CECR2: variants seen among roughly 807,000 people sequenced by gnomAD.
CECR2 encodes CECR2 histone acetyl-lysine reader.
In CECR2, 30 loss-of-function variants were observed where a neutral mutation model predicts 154.5. That is an observed-to-expected ratio of 0.19 (90% CI 0.15 to 0.26). The LOEUF is 0.26. Ranked by LOEUF, CECR2 falls within the 10% of genes least tolerant of loss-of-function variation. The pLI, the probability that CECR2 is intolerant of heterozygous loss-of-function variation, is 1.00. For missense variants in CECR2, 1,743 were observed against 1,829.3 expected (o/e 0.95, Z 0.86); for synonymous variants, 725 against 683.7 (o/e 1.06, Z -0.94).
intron 6 of CECR2, among the ~76,000 whole-genome samples, chr22:17,503,731 A>G (rs2055781657): frequency 6.6e-6 from 1 of 152,196 alleles, no homozygotes; most frequent in South Asian, 2.1e-4. Context: ...CAGGAAAACC[A>G]GAAGTATACA....
At chr22:17,512,835 G>A (rs2055983826) in intron 8 of CECR2, among the ~76,000 whole-genome samples, 1 of 152,092 alleles carries the variant, frequency 6.6e-6, no homozygotes, top group Non-Finnish European at 1.5e-5. Context: ...GCGTGGATCT[G>A]GCTGATCTGT....
intron 1 of CECR2, among the ~76,000 whole-genome samples, chr22:17,427,070 C>G (rs566631359): frequency 6.6e-6 from 1 of 151,526 alleles, no homozygotes; most frequent in Non-Finnish European, 1.5e-5. Flanking sequence ...TCCAAGTGTT[C>G]TCATTGTTCA....
At chr22:17,490,605 T>G (rs1396725078) in intron 2 of CECR2, among the ~76,000 whole-genome samples, 1 of 151,770 alleles carries the variant, frequency 6.6e-6, no homozygotes, top group East Asian at 1.9e-4. Context: ...CGGCTAATTT[T>G]TTTTTTATTT....
chr22:17,360,847 C>T (rs2062973347), intron 1 of CECR2, among the ~76,000 whole-genome samples: 3 of 22,134 alleles, frequency 1.4e-4, no homozygotes, highest in East Asian at 2.5e-3. Flanking sequence ...CTGTCTCAAA[C>T]AAACAAACAA....
chr22:17,468,347 A>T (rs2055068261), intron 1 of CECR2, among the ~76,000 whole-genome samples: 1 of 152,122 alleles, frequency 6.6e-6, no homozygotes, highest in African/African-American at 2.4e-5. Flanking sequence ...ATTGTGTTCA[A>T]GTCACCAAGT....
intron 9 of CECR2, among the ~76,000 whole-genome samples, chr22:17,532,204 AT>A (rs1023186355): frequency 6.6e-6 from 1 of 152,080 alleles, no homozygotes; most frequent in African/African-American, 2.4e-5. Flanking sequence ...TGCATTTTGA[AT>A]TTTTTTATTA....
intron 1 of CECR2, among the ~76,000 whole-genome samples, chr22:17,421,115 G>A (rs896458728): frequency 1.8e-4 from 27 of 151,832 alleles, no homozygotes; most frequent in Non-Finnish European, 2.5e-4. Flanking sequence ...TTTTATTTTA[G>A]CCTCATTCAT....
Position 17,537,140 on chromosome 22 carries a change from A to G in CECR2, c.1146A>G (p.Ala382=), listed in dbSNP as rs763953696. The G allele has an allele frequency of 6.2e-6, 10 of 1,613,848 alleles. No homozygotes were observed. The South Asian group carries it at 6.6e-5, about 11-fold the overall frequency. The part of the protein sequence containing the change: ...AKRRKLREER[A]WLLAQGKELP... ...GGAGAAAGCTCAGGGAAGAAAGGGC[A>G]TGGCTGCTGGCTCAAGGAAAGGAGC... Residue 382 remains alanine, a synonymous_variant, in exon 10 of 19, where the codon GCA becomes GCG. Transcript: ENST00000262608.
chr22:17,416,185 T>A (rs1485803831), intron 1 of CECR2, among the ~76,000 whole-genome samples: 1 of 152,200 alleles, frequency 6.6e-6, no homozygotes, highest in East Asian at 1.9e-4. Context: ...TAAAATATGT[T>A]CGCATATATA....
At chr22:17,541,817 TG>T in intron 14 of CECR2, 21 bp from the exon 15 acceptor site, 1 of 1,590,192 alleles carries the variant, frequency 6.3e-7, no homozygotes, top group Non-Finnish European at 8.6e-7. Flanking sequence ...TTCCTCTTCT[TG>T]CTTTGTTCAA....
At chr22:17,415,390 C>T (rs903426922) in intron 1 of CECR2, among the ~76,000 whole-genome samples, 4 of 151,988 alleles carry the variant, frequency 2.6e-5, no homozygotes, top group Non-Finnish European at 5.9e-5. Flanking sequence ...GACAGGGGCG[C>T]GCCACCGTGC....
intron 1 of CECR2, among the ~76,000 whole-genome samples, chr22:17,445,555 A>G (rs1011206298): frequency 7.5e-5 from 10 of 132,596 alleles, no homozygotes; most frequent in Non-Finnish European, 1.1e-4. Flanking sequence ...TATTATTATT[A>G]TTATTATTAT....
intron 3 of CECR2, among the ~76,000 whole-genome samples, chr22:17,498,815 A>T (rs2055681503): frequency 6.6e-6 from 1 of 152,116 alleles, no homozygotes; most frequent in Non-Finnish European, 1.5e-5. Context: ...TAAACTGTTC[A>T]TCAGGATTGC....
rs1202840681 is a variant in CECR2 at position 17,378,203 on chromosome 22, TG to T, written c.126+8296del. Among the ~76,000 whole-genome samples the T allele has an allele frequency of 3.4e-5, 5 of 148,728 alleles. No homozygotes were observed. The East Asian group carries it at 1.0e-3, about 30-fold the overall frequency. On this transcript the variant is annotated intron_variant, in intron 1 of 18. Transcript: ENST00000262608. ...TTTCACCGTGTTAGCCAGGATGGTC[TG>T]GATCTCCTAACCTTGTGATCCGCCC...
In CECR2 at chr22:17,548,841, C is replaced by A. The variant is rs779081450; in HGVS notation, c.3554C>A (p.Ser1185Tyr). Residue 1185 changes from serine (S) to tyrosine (Y), a missense_variant, in exon 17 of 19, where the codon TCC becomes TAC. Physicochemically the swap from Ser to Tyr is moderately radical, Grantham distance 144 (BLOSUM62 -2). Coordinates refer to ENST00000262608, the MANE Select transcript of CECR2 (RefSeq NM_001290047.2). ...CGCCCCCCACAAGGAATGAGGTATTCCTACCACCCACCGCCACAGCCTTCC... is the reference window on the plus strand; with the variant it reads ...CGCCCCCCACAAGGAATGAGGTATTACTACCACCCACCGCCACAGCCTTCC... The part of the protein sequence containing the change: ...RYRPPQGMRY[S>Y]YHPPPQPSYH... 6.2e-7 allele frequency: 1 copy of A among 1,613,548 alleles called. No homozygotes were observed. The highest frequency in any genetic ancestry group is 1.7e-5 in the Admixed American group (1 of 59,974).
At chr22:17,383,378 C>T (rs1434447736) in intron 1 of CECR2, among the ~76,000 whole-genome samples, 1 of 152,224 alleles carries the variant, frequency 6.6e-6, no homozygotes, top group Non-Finnish European at 1.5e-5. Flanking sequence ...AGTAAAACTT[C>T]TTTCAAAATT....
At chr22:17,512,709 A>G (rs77568488) in intron 8 of CECR2, among the ~76,000 whole-genome samples, 6 of 1,920 alleles carry the variant, frequency 3.1e-3, no homozygotes, top group Admixed American at 0.067. Context: ...CTGTCTCAGA[A>G]AAAAAAAAAA....
intron 1 of CECR2, among the ~76,000 whole-genome samples, chr22:17,470,019 C>T (rs140752274): frequency 3.5e-3 from 528 of 152,308 alleles, no homozygotes; most frequent in African/African-American, 0.012. Flanking sequence ...CCTTCAGATG[C>T]CACAGCTGCC....
At chr22:17,518,306 T>C (rs1371302130) in intron 8 of CECR2, among the ~76,000 whole-genome samples, 1 of 152,232 alleles carries the variant, frequency 6.6e-6, no homozygotes, top group Non-Finnish European at 1.5e-5. Flanking sequence ...CTTGACATTC[T>C]GACCTGGACC....
Sources: gnomAD v4.1 joint callset for allele counts (sites outside exome capture counted in the v4.1 genomes callset) on GRCh38, gnomAD v4.1.1 for gene constraint, MANE v1.5 for transcripts, NCBI Gene and HGNC (gene_info 2026-07-23, HGNC 2026-07-21) for gene names.